The following FBXL17 variants were observed in gnomAD, a reference collection of about 807,000 sequenced individuals.
FBXL17 encodes F-box/LRR-repeat protein 17.
Under a neutral mutation model 66.2 loss-of-function variants are expected in FBXL17, and 22 were observed. The observed-to-expected ratio is 0.33, with a 90% CI of 0.24 to 0.47. The LOEUF (loss-of-function observed/expected upper bound fraction) is 0.47. Among genes scored for constraint, FBXL17 ranks in the 20% least tolerant of loss-of-function variants. The probability of loss-of-function intolerance (pLI) is 1.00; values close to 1 mark genes in which losing one functional copy is unlikely to be tolerated. For missense variants in FBXL17, 878 were observed against 948.2 expected (o/e 0.93, Z 0.97); for synonymous variants, 474 against 400.5 (o/e 1.18, Z -2.19).
intron 6 of FBXL17, among the ~76,000 whole-genome samples, chr5:108,059,590 G>C (rs952995485): frequency 1.4e-4 from 21 of 152,164 alleles, no homozygotes; most frequent in African/African-American, 4.8e-4. Context: ...AGCACTGCAG[G>C]AGACCGCCTC....
chr5:108,069,847 A>G (rs1477327824), intron 6 of FBXL17, among the ~76,000 whole-genome samples: 2 of 152,206 alleles, frequency 1.3e-5, no homozygotes, highest in African/African-American at 4.8e-5. Flanking sequence ...AGTGCTGATA[A>G]CGGATTTTTT....
intron 4 of FBXL17, among the ~76,000 whole-genome samples, chr5:108,336,105 A>G (rs1760369181): frequency 1.3e-5 from 2 of 152,150 alleles, no homozygotes; most frequent in Non-Finnish European, 1.5e-5. Context: ...TTGATTCTAC[A>G]AAATTGTTAG....
At chr5:107,870,330 C>CT (rs1748404761) in intron 8 of FBXL17, among the ~76,000 whole-genome samples, 1 of 152,158 alleles carries the variant, frequency 6.6e-6, no homozygotes, top group Admixed American at 6.5e-5. Context: ...ATTAGCCCTT[C>CT]TTTTTTCAAA....
chr5:108,341,138 T>C (rs916646039), intron 4 of FBXL17, among the ~76,000 whole-genome samples: 1 of 152,028 alleles, frequency 6.6e-6, no homozygotes, highest in Non-Finnish European at 1.5e-5. Flanking sequence ...ACCCAGAGAT[T>C]TATACATATA....
At chr5:108,213,160 G>C (rs534554945) in intron 5 of FBXL17, among the ~76,000 whole-genome samples, 1 of 152,192 alleles carries the variant, frequency 6.6e-6, no homozygotes, top group African/African-American at 2.4e-5. Context: ...TACCGAGCTT[G>C]AGCCACAGCA....
At chr5:108,189,150 G>C (rs1481507293) in intron 5 of FBXL17, among the ~76,000 whole-genome samples, 1 of 152,090 alleles carries the variant, frequency 6.6e-6, no homozygotes. Flanking sequence ...TAGTTCTGTG[G>C]GTCAGGAGAC....
chr5:108,349,024 T>C (rs964524329), intron 3 of FBXL17, among the ~76,000 whole-genome samples: 1 of 152,134 alleles, frequency 6.6e-6, no homozygotes, highest in Admixed American at 6.5e-5. Flanking sequence ...CAGACTAGTC[T>C]CAAACTCCTG....
intron 7 of FBXL17, among the ~76,000 whole-genome samples, chr5:108,016,766 T>TTTTC (rs149126365): frequency 1.7e-4 from 25 of 148,828 alleles, no homozygotes; most frequent in East Asian, 8.1e-4. Flanking sequence ...AATTATCTTT[T>TTTTC]TTTCTTTCTT....
At chr5:108,163,129 A>G (rs1752277198) in intron 6 of FBXL17, among the ~76,000 whole-genome samples, 2 of 152,216 alleles carry the variant, frequency 1.3e-5, no homozygotes, top group Non-Finnish European at 2.9e-5. Context: ...TGTGACAAGC[A>G]TTTTCCTCTA....
At chr5:108,009,308 T>TATATATATATATATATATATACACAC in intron 7 of FBXL17, among the ~76,000 whole-genome samples, 1 of 42,220 alleles carries the variant, frequency 2.4e-5, no homozygotes, top group African/African-American at 8.8e-5. Flanking sequence ...TATACATATA[T>TATATATATATATATATATATACACAC]ACATACACAT....
At chr5:108,377,579 G>C (rs1749534570) in intron 1 of FBXL17, among the ~76,000 whole-genome samples, 1 of 152,192 alleles carries the variant, frequency 6.6e-6, no homozygotes. Flanking sequence ...ATTCTTACCT[G>C]AAGATCTAAC....
At chr5:108,154,415 AC>A (rs1270882927) in intron 6 of FBXL17, among the ~76,000 whole-genome samples, 2 of 150,572 alleles carry the variant, frequency 1.3e-5, no homozygotes, top group African/African-American at 4.9e-5. Context: ...ACATGGAGAA[AC>A]CCCGTCTCTA....
At chr5:107,911,058 T>A (rs1749934340) in intron 7 of FBXL17, among the ~76,000 whole-genome samples, 1 of 152,108 alleles carries the variant, frequency 6.6e-6, no homozygotes, top group Non-Finnish European at 1.5e-5. Flanking sequence ...AAATTGATCA[T>A]AAATTAATAT....
At chr5:108,046,863 C>T (rs1747271280) in intron 6 of FBXL17, among the ~76,000 whole-genome samples, 1 of 152,364 alleles carries the variant, frequency 6.6e-6, no homozygotes, top group Middle Eastern at 3.4e-3. Context: ...TATTTACCCA[C>T]ATGTTTGCTT....
At chr5:108,090,006 T>C (rs892277556) in intron 6 of FBXL17, among the ~76,000 whole-genome samples, 16 of 152,084 alleles carry the variant, frequency 1.1e-4, no homozygotes, top group African/African-American at 3.4e-4. Context: ...TTTTGCGTTT[T>C]TTGTAGAGAT....
At chr5:108,019,667 T>A (rs75213704) in intron 7 of FBXL17, among the ~76,000 whole-genome samples, 2,046 of 142,790 alleles carry the variant, frequency 0.014, 41 homozygotes, top group African/African-American at 0.055. Context: ...ACACACACAC[T>A]CTCTCTCTCT....
At chr5:108,119,032 G>A (rs1327324201) in intron 6 of FBXL17, among the ~76,000 whole-genome samples, 1 of 152,004 alleles carries the variant, frequency 6.6e-6, no homozygotes, top group Non-Finnish European at 1.5e-5. Flanking sequence ...ATATGCAAAA[G>A]GCACTCATTT....
At chr5:108,160,538 C>G (rs1040525250) in intron 6 of FBXL17, among the ~76,000 whole-genome samples, 1 of 152,084 alleles carries the variant, frequency 6.6e-6, no homozygotes, top group South Asian at 2.1e-4. Flanking sequence ...AATGAGCAAC[C>G]AATAAGAAGA....
intron 6 of FBXL17, among the ~76,000 whole-genome samples, chr5:108,131,013 C>T (rs542483174): frequency 6.6e-6 from 1 of 151,990 alleles, no homozygotes. Flanking sequence ...ACTCAAGAAA[C>T]ATAGTTTTCA....
Sources: gnomAD v4.1 joint callset for allele counts (sites outside exome capture counted in the v4.1 genomes callset) on GRCh38, gnomAD v4.1.1 for gene constraint, MANE v1.5 for transcripts, NCBI Gene and HGNC (gene_info 2026-07-23, HGNC 2026-07-21) for gene names.